Variants in CRTC1 observed in about 807,000 individuals in gnomAD.
CRTC1 encodes the protein CREB regulated transcription coactivator 1.
A neutral mutation model predicts 66.1 loss-of-function variants in CRTC1; 18 were observed. The ratio of observed to expected loss-of-function variants is 0.27; its 90% CI spans 0.19 to 0.40. The LOEUF (loss-of-function observed/expected upper bound fraction) is 0.40. Ranked by LOEUF, CRTC1 falls within the 10% of genes least tolerant of loss-of-function variation. The pLI, the probability that CRTC1 is intolerant of heterozygous loss-of-function variation, is 1.00. For synonymous variants in CRTC1, 416 were observed against 398.8 expected (o/e 1.04, Z -0.51); for missense variants, 669 against 887.9 (o/e 0.75, Z 3.13).
chr19:18,696,273 T>C (rs966251891), intron 1 of CRTC1, among the ~76,000 whole-genome samples: 10 of 151,798 alleles, frequency 6.6e-5, no homozygotes, highest in Non-Finnish European at 1.2e-4. Context: ...TTCAGGCTGC[T>C]GGAAGCCTGT....
At chr19:18,761,246 G>A (rs1309173020) in intron 8 of CRTC1, among the ~76,000 whole-genome samples, 1 of 152,232 alleles carries the variant, frequency 6.6e-6, no homozygotes, top group African/African-American at 2.4e-5. Flanking sequence ...GGCCCACGTT[G>A]CTGCTCCGTC....
intron 11 of CRTC1, among the ~76,000 whole-genome samples, chr19:18,774,554 C>T (rs2054940294): frequency 6.6e-6 from 1 of 152,242 alleles, no homozygotes; most frequent in South Asian, 2.1e-4. Flanking sequence ...GCCCTGGTGA[C>T]AGGTTCTCCT....
intron 9 of CRTC1, among the ~76,000 whole-genome samples, chr19:18,765,834 G>T (rs938195732): frequency 1.8e-4 from 28 of 151,974 alleles, no homozygotes; most frequent in Non-Finnish European, 4.4e-5. Context: ...GGTGGTGTGC[G>T]CCTGTGGTCC....
intron 1 of CRTC1, among the ~76,000 whole-genome samples, chr19:18,701,285 C>G (rs1246714538): frequency 1.3e-5 from 2 of 152,268 alleles, no homozygotes; most frequent in Non-Finnish European, 2.9e-5. Flanking sequence ...CCCTTCTGTG[C>G]CTCAGTTTCC....
intron 1 of CRTC1, among the ~76,000 whole-genome samples, chr19:18,684,575 A>G (rs1022692412): frequency 6.6e-6 from 1 of 152,070 alleles, no homozygotes; most frequent in Admixed American, 6.5e-5. Flanking sequence ...CAGTCCTGGA[A>G]CTTGGAGTGG....
chr19:18,734,382 TAGAA>T (rs977589251), intron 1 of CRTC1, among the ~76,000 whole-genome samples: 9 of 151,402 alleles, frequency 5.9e-5, no homozygotes, highest in African/African-American at 1.7e-4. Context: ...TAAAAAAAAA[TAGAA>T]AGAAACAGGC....
chr19:18,767,260 G>A (rs750153373), intron 9 of CRTC1, among the ~76,000 whole-genome samples: 14 of 151,724 alleles, frequency 9.2e-5, no homozygotes, highest in East Asian at 1.9e-4. Context: ...GTGCAGTGGC[G>A]TGCTCTTGGC....
chr19:18,738,618 A>G (rs942876448), intron 1 of CRTC1, among the ~76,000 whole-genome samples: 1 of 152,164 alleles, frequency 6.6e-6, no homozygotes, highest in Admixed American at 6.5e-5. Flanking sequence ...CCTGGCCAAC[A>G]TGGCGAAACC....
intron 1 of CRTC1, among the ~76,000 whole-genome samples, chr19:18,696,665 G>C (rs1224456339): frequency 6.6e-6 from 1 of 152,058 alleles, no homozygotes; most frequent in African/African-American, 2.4e-5. Flanking sequence ...GGTTGTCCCT[G>C]GTTTTTCTCA....
rs1346502198 is a variant in CRTC1 at position 18,779,220 on chromosome 19, C to T, written c.*1838C>T. 1 of 231,536 alleles carries T rather than the reference C, an allele frequency of 4.3e-6. No individual in the cohort carries two copies. The highest frequency in any genetic ancestry group is 8.5e-6 in the Non-Finnish European group (1 of 117,110). 14.3% of individuals were successfully genotyped at this position (231,536 alleles called of 1,614,324 possible). ...CTGCTTTCACTGGGGTCCTGGGCAC[C>T]CTGGCTTCTGTCCTCAGAGCTGGGT... On this transcript the variant is annotated 3_prime_UTR_variant, in exon 14 of 14. Coordinates refer to ENST00000321949, the MANE Select transcript of CRTC1 (RefSeq NM_015321.3).
At chr19:18,692,750 A>C (rs900363721) in intron 1 of CRTC1, among the ~76,000 whole-genome samples, 1 of 152,152 alleles carries the variant, frequency 6.6e-6, no homozygotes, top group East Asian at 1.9e-4. Flanking sequence ...GCTCAGGAAC[A>C]GGCATGGCAC....
chr19:18,769,238 G>A, intron 10 of CRTC1, among the ~76,000 whole-genome samples: 1 of 152,224 alleles, frequency 6.6e-6, no homozygotes, highest in South Asian at 2.1e-4. Context: ...CAGCGCCTGG[G>A]GCCCAGGGCT....
Position 18,745,891 on chromosome 19 carries a change from G to A in CRTC1, c.312G>A (p.Val104=), listed in dbSNP as rs1360963251. Residue 104 remains valine, a synonymous_variant, in exon 3 of 14, where the codon GTG becomes GTA. Transcript: ENST00000321949. ...TTRHHGLVDR[V]YRERGRLGSP... is the part of the protein sequence containing the mutation. ...GGCACCATGGGCTGGTGGACAGGGT[G>A]TACCGGGAGCGTGGCCGGCTCGGCT... 3.1e-6 allele frequency: 5 copies of A among 1,613,526 alleles called. No individual in the cohort carries two copies. The highest frequency in any genetic ancestry group is 1.3e-5 in the African/African-American group (1 of 75,062).
intron 1 of CRTC1, among the ~76,000 whole-genome samples, chr19:18,714,822 T>C (rs566389087): frequency 1.3e-5 from 2 of 152,348 alleles, no homozygotes; most frequent in South Asian, 4.1e-4. Flanking sequence ...GTCTGCACCC[T>C]GAATATTTGG....
At chr19:18,686,093 C>A (rs1420757045) in intron 1 of CRTC1, among the ~76,000 whole-genome samples, 1 of 151,896 alleles carries the variant, frequency 6.6e-6, no homozygotes, top group Non-Finnish European at 1.5e-5. Flanking sequence ...AACAGTCACT[C>A]CCCATTCCCC....
At chr19:18,747,137 C>CCG (rs2054262052) in intron 4 of CRTC1, 23 bp downstream of exon 4, 1 of 900,628 alleles carries the variant, frequency 1.1e-6, no homozygotes, top group East Asian at 3.9e-5. Flanking sequence ...ACACCCCCCC[C>CCG]CCGCCCCCTT....
At chr19:18,746,159 C>A (rs1196726003) in intron 3 of CRTC1, among the ~76,000 whole-genome samples, 199 bp downstream of exon 3, 2 of 152,166 alleles carry the variant, frequency 1.3e-5, no homozygotes, top group Non-Finnish European at 2.9e-5. Context: ...AGCCCTGGAG[C>A]CTTTGGCCAG....
chr19:18,774,912 C>G lies in CRTC1; in HGVS notation c.1438C>G (p.Leu480Val). 1 of 1,611,040 alleles carries G rather than the reference C, an allele frequency of 6.2e-7. No homozygotes were observed. Among genetic ancestry groups the G allele is most frequent in the Non-Finnish European group, 8.5e-7 (1 of 1,179,980 alleles). Residue 480 changes from leucine (L) to valine (V), a missense_variant, in exon 12 of 14, where the codon CTG becomes GTG. Coordinates refer to ENST00000321949, the MANE Select transcript of CRTC1 (RefSeq NM_015321.3). ...PGSSPQHTST[L>V]GSVFGDAYYE... Reference sequence around the variant, plus strand: ...CTTCTGTCTGCAGCACACTTCCACCCTGGGCAGCGTGTTTGGGGACGCGTA... The same window carrying G: ...CTTCTGTCTGCAGCACACTTCCACCGTGGGCAGCGTGTTTGGGGACGCGTA...
At chr19:18,766,581 G>C (rs552127199) in intron 9 of CRTC1, among the ~76,000 whole-genome samples, 4 of 151,580 alleles carry the variant, frequency 2.6e-5, no homozygotes, top group African/African-American at 9.7e-5. Flanking sequence ...GAGTAGCTGG[G>C]ATTACAGGTG....
Sources: gnomAD v4.1 joint callset for allele counts (sites outside exome capture counted in the v4.1 genomes callset) on GRCh38, gnomAD v4.1.1 for gene constraint, MANE v1.5 for transcripts, NCBI Gene and HGNC (gene_info 2026-07-23, HGNC 2026-07-21) for gene names.